DPP10: variants seen among roughly 807,000 people sequenced by gnomAD.
The protein encoded by DPP10 is inactive dipeptidyl peptidase 10.
DPP10 carries 33 observed loss-of-function variants against 120.9 expected under a neutral mutation model. The ratio of observed to expected loss-of-function variants is 0.27; its 90% CI spans 0.21 to 0.37. DPP10 has a LOEUF of 0.37. Among genes scored for constraint, DPP10 ranks in the 10% least tolerant of loss-of-function variants. The probability of loss-of-function intolerance (pLI) is 1.00; values close to 1 mark genes in which losing one functional copy is unlikely to be tolerated. For missense variants in DPP10, 816 were observed against 942.8 expected, an observed-to-expected ratio of 0.87 and a Z score of 1.76; for synonymous variants, 337 against 326.1, an observed-to-expected ratio of 1.03 and a Z score of -0.36.
intron 1 of DPP10, among the ~76,000 whole-genome samples, chr2:114,771,210 A>G (rs532978987): frequency 6.6e-6 from 1 of 152,332 alleles, no homozygotes; most frequent in East Asian, 1.9e-4. Flanking sequence ...AGAAGCTGAC[A>G]ACTTGCTACA....
chr2:115,425,544 G>A (rs1559586381), intron 3 of DPP10, among the ~76,000 whole-genome samples: 1 of 152,076 alleles, frequency 6.6e-6, no homozygotes, highest in Non-Finnish European at 1.5e-5. Context: ...TATTTACAAT[G>A]AGCATAAATT....
chr2:115,660,257 C>G (rs1343241652), intron 5 of DPP10, among the ~76,000 whole-genome samples: 5 of 152,098 alleles, frequency 3.3e-5, no homozygotes, highest in African/African-American at 9.7e-5. Context: ...TTTTTTTCCC[C>G]CTCTCTGTTT....
intron 11 of DPP10, among the ~76,000 whole-genome samples, 183 bp from the exon 12 acceptor site, chr2:115,762,389 G>A (rs187403720): frequency 3.3e-5 from 5 of 151,958 alleles, no homozygotes; most frequent in African/African-American, 9.6e-5. Context: ...TTAAATTATC[G>A]TTTAGTCCCT....
chr2:114,619,734 T>G (rs1693952943), intron 1 of DPP10, among the ~76,000 whole-genome samples: 1 of 151,964 alleles, frequency 6.6e-6, no homozygotes, highest in Non-Finnish European at 1.5e-5. Context: ...AATATATGAT[T>G]CTCTTAAACT....
At chr2:114,596,007 G>T (rs186155795) in intron 1 of DPP10, among the ~76,000 whole-genome samples, 67 of 152,138 alleles carry the variant, frequency 4.4e-4, no homozygotes, top group African/African-American at 1.5e-3. Context: ...GAAGCTCCTC[G>T]GTATTTTGAT....
chr2:114,538,018 T>C (rs774454166), intron 1 of DPP10, among the ~76,000 whole-genome samples: 1 of 152,240 alleles, frequency 6.6e-6, no homozygotes, highest in Non-Finnish European at 1.5e-5. Flanking sequence ...ACTAGTTCAT[T>C]GATACCTTGA....
In DPP10 at chr2:115,001,684, T is replaced by A. The variant is rs1047019808; in HGVS notation, c.61-307555T>A. On this transcript the variant is annotated intron_variant, in intron 1 of 25. Coordinates refer to ENST00000410059, the MANE Select transcript of DPP10 (RefSeq NM_020868.6). ...CAAGCTCTTTGCTCTGATAAACAACTTCAAAAAATTTTTTAAATGTACAAA... is the reference window on the plus strand; with the variant it reads ...CAAGCTCTTTGCTCTGATAAACAACATCAAAAAATTTTTTAAATGTACAAA... 2.6e-5 allele frequency among the ~76,000 whole-genome samples: 4 copies of A among 152,102 alleles called. No homozygotes were observed. In the East Asian group the frequency reaches 7.7e-4, roughly 29 times the overall value.
Position 114,811,874 on chromosome 2 carries a change from T to C in DPP10, c.60+369036T>C, listed in dbSNP as rs541290558. On this transcript the variant is annotated intron_variant, in intron 1 of 25. Coordinates refer to ENST00000410059, the MANE Select transcript of DPP10 (RefSeq NM_020868.6). ...TGGACTCACATGAGTAATTCATATT[T>C]CCCATTTGCCTAGGGCCAGGTTTTC... Among the ~76,000 whole-genome samples the C allele has an allele frequency of 8.5e-5, 13 of 152,336 alleles. No individual in the cohort carries two copies. In the South Asian group the frequency reaches 2.7e-3, roughly 32 times the overall value.
chr2:115,241,031 G>T (rs888972011), intron 1 of DPP10, among the ~76,000 whole-genome samples: 4 of 152,170 alleles, frequency 2.6e-5, no homozygotes, highest in African/African-American at 9.7e-5. Context: ...AGCACTTTGG[G>T]AGTCCAAGGC....
chr2:114,802,605 G>A (rs1203946158), intron 1 of DPP10, among the ~76,000 whole-genome samples: 9 of 152,032 alleles, frequency 5.9e-5, no homozygotes, highest in South Asian at 4.2e-4. Flanking sequence ...TAATGAAAAC[G>A]GACTGCTCCT....
intron 3 of DPP10, among the ~76,000 whole-genome samples, chr2:115,410,072 A>C (rs1559560018): frequency 6.6e-6 from 1 of 152,150 alleles, no homozygotes; most frequent in Non-Finnish European, 1.5e-5. Flanking sequence ...TCCAGTTTCA[A>C]TTTTCTGCAT....
At chr2:114,660,000 C>T (rs1697273087) in intron 1 of DPP10, among the ~76,000 whole-genome samples, 1 of 152,194 alleles carries the variant, frequency 6.6e-6, no homozygotes, top group South Asian at 2.1e-4. Context: ...ACCTTCATTT[C>T]AGACTTCTAG....
At chr2:115,151,687 G>A (rs1355652449) in intron 1 of DPP10, among the ~76,000 whole-genome samples, 8 of 150,626 alleles carry the variant, frequency 5.3e-5, no homozygotes, top group South Asian at 2.1e-4. Context: ...GATTACAGGC[G>A]TGAGCCACCG....
chr2:114,909,739 G>T (rs748832887), intron 1 of DPP10, among the ~76,000 whole-genome samples: 1 of 151,992 alleles, frequency 6.6e-6, no homozygotes, highest in Non-Finnish European at 1.5e-5. Flanking sequence ...GTTTAAAGTT[G>T]TTCTGAGTTG....
intron 1 of DPP10, among the ~76,000 whole-genome samples, chr2:114,791,349 T>C (rs2106239221): frequency 6.6e-6 from 1 of 152,314 alleles, no homozygotes; most frequent in African/African-American, 2.4e-5. Flanking sequence ...TTGATCAAAT[T>C]AACTTATTTG....
At position 114,990,369 on chromosome 2, in the gene DPP10, T is replaced by C. The variant is rs181408256; in HGVS notation, c.61-318870T>C. Among the ~76,000 whole-genome samples, 128 of 152,160 alleles carry C rather than the reference T, an allele frequency of 8.4e-4. 1 individual carries two copies. Among genetic ancestry groups the C allele is most frequent in the Non-Finnish European group, 1.2e-3 (79 of 67,964 alleles). Reference sequence around the variant, plus strand: ...ATGTGTGAAAAAAGTCACTTAAATATATGTGCCTATAATCTATCTATCTAT... The same window carrying C: ...ATGTGTGAAAAAAGTCACTTAAATACATGTGCCTATAATCTATCTATCTAT... On this transcript the variant is annotated intron_variant, in intron 1 of 25. Coordinates refer to ENST00000410059, the MANE Select transcript of DPP10 (RefSeq NM_020868.6).
At position 114,643,901 on chromosome 2, in the gene DPP10, G is replaced by GTA. The variant is rs201508977; in HGVS notation, c.60+201073_60+201074dup. Among the ~76,000 whole-genome samples, 32 of 145,212 alleles carry GTA rather than the reference G, an allele frequency of 2.2e-4. No homozygotes were observed. The South Asian group carries it at 4.4e-3, about 20-fold the overall frequency. ...TGTGTATGTGTGTGTGTGTATGTGT[G>GTA]TATATATATATGTGTGTGTATATAT... On this transcript the variant is annotated intron_variant, in intron 1 of 25. Transcript: ENST00000410059.
At chr2:115,740,398 A>C (rs1389522982) in intron 9 of DPP10, among the ~76,000 whole-genome samples, 3 of 152,184 alleles carry the variant, frequency 2.0e-5, no homozygotes, top group Admixed American at 2.0e-4. Flanking sequence ...AAGAATCTCC[A>C]GTCTGAAATA....
intron 4 of DPP10, among the ~76,000 whole-genome samples, chr2:115,508,676 A>G (rs1157899912): frequency 2.0e-5 from 3 of 152,164 alleles, no homozygotes; most frequent in Non-Finnish European, 2.9e-5. Flanking sequence ...AGCCTGAGGC[A>G]GGTGGATCAC....
Sources: gnomAD v4.1 joint callset for allele counts (sites outside exome capture counted in the v4.1 genomes callset) on GRCh38, gnomAD v4.1.1 for gene constraint, MANE v1.5 for transcripts, NCBI Gene and HGNC (gene_info 2026-07-23, HGNC 2026-07-21) for gene names.